The following TDRD3 variants were observed in gnomAD, a reference collection of about 807,000 sequenced individuals.
The protein encoded by TDRD3 is tudor domain-containing protein 3.
In TDRD3, 45 loss-of-function variants were observed where a neutral mutation model predicts 86.7. That is an observed-to-expected ratio of 0.52 (90% CI 0.41 to 0.67). TDRD3 has a LOEUF of 0.67. Ranked by LOEUF, TDRD3 falls within the 30% of genes least tolerant of loss-of-function variation. The probability of loss-of-function intolerance (pLI) is 0.00; values close to 1 mark genes in which losing one functional copy is unlikely to be tolerated. For synonymous variants in TDRD3, 298 were observed against 301.7 expected (o/e 0.99, Z 0.13); for missense variants, 814 against 889.0 (o/e 0.92, Z 1.07).
At chr13:60,406,406 A>T (rs912310978) in intron 1 of TDRD3, among the ~76,000 whole-genome samples, 1 of 152,212 alleles carries the variant, frequency 6.6e-6, no homozygotes, top group African/African-American at 2.4e-5. Context: ...TTTTATATTG[A>T]TCATACTTTA....
At chr13:60,505,317 C>A (rs949968014) in intron 8 of TDRD3, among the ~76,000 whole-genome samples, 11 of 152,290 alleles carry the variant, frequency 7.2e-5, no homozygotes, top group Admixed American at 1.3e-4. Flanking sequence ...GTAAACAAAG[C>A]CACCAGGAAG....
intron 1 of TDRD3, among the ~76,000 whole-genome samples, chr13:60,398,199 G>T (rs1348902442): frequency 1.3e-5 from 2 of 152,186 alleles, no homozygotes; most frequent in African/African-American, 4.8e-5. Flanking sequence ...TCCCAGGCTT[G>T]CACAGGCACA....
intron 12 of TDRD3, among the ~76,000 whole-genome samples, chr13:60,555,937 A>G (rs1158461312): frequency 1.4e-5 from 2 of 140,160 alleles, no homozygotes; most frequent in Non-Finnish European, 3.0e-5. Context: ...TGCAAGCTCC[A>G]CCTCCCAGGT....
chr13:60,532,755 C>G (rs1383431806), intron 11 of TDRD3, among the ~76,000 whole-genome samples: 4 of 152,052 alleles, frequency 2.6e-5, no homozygotes, highest in African/African-American at 9.7e-5. Context: ...TTTTCGTCAA[C>G]TGAAATATTA....
intron 2 of TDRD3, among the ~76,000 whole-genome samples, chr13:60,444,363 TA>T (rs1037900371): frequency 2.6e-5 from 4 of 151,974 alleles, no homozygotes; most frequent in African/African-American, 4.8e-5. Context: ...TGGAATGTGA[TA>T]TTTTTTAGTA....
intron 12 of TDRD3, among the ~76,000 whole-genome samples, chr13:60,551,620 T>C (rs1304455640): frequency 6.6e-6 from 1 of 152,224 alleles, no homozygotes; most frequent in Non-Finnish European, 1.5e-5. Flanking sequence ...CTTTTCCTTT[T>C]ATTTTTTCTG....
At chr13:60,491,197 A>C (rs1019065634) in intron 7 of TDRD3, among the ~76,000 whole-genome samples, 8 of 152,024 alleles carry the variant, frequency 5.3e-5, no homozygotes, top group African/African-American at 1.9e-4. Context: ...CTTGCCTTGA[A>C]ATGAAGAAGT....
chr13:60,482,093 C>T (rs1221518021), intron 5 of TDRD3, among the ~76,000 whole-genome samples: 1 of 152,116 alleles, frequency 6.6e-6, no homozygotes, highest in Non-Finnish European at 1.5e-5. Flanking sequence ...GGGAATTGTT[C>T]AGCTTACAAC....
chr13:60,506,696 G>T (rs1324051241), intron 8 of TDRD3, among the ~76,000 whole-genome samples: 1 of 152,152 alleles, frequency 6.6e-6, no homozygotes, highest in African/African-American at 2.4e-5. Context: ...GGCGGAGTTT[G>T]CAGTGAGCTG....
chr13:60,503,211 C>T (rs1373916806), intron 8 of TDRD3, among the ~76,000 whole-genome samples: 1 of 152,128 alleles, frequency 6.6e-6, no homozygotes, highest in Non-Finnish European at 1.5e-5. Flanking sequence ...AGTCCTGTAC[C>T]TTTTTCTCTA....
chr13:60,561,429 T>C (rs1468105412), intron 12 of TDRD3, among the ~76,000 whole-genome samples: 1 of 152,150 alleles, frequency 6.6e-6, no homozygotes, highest in Non-Finnish European at 1.5e-5. Context: ...TTTTAATTTC[T>C]GTGGCTTGAG....
At chr13:60,476,758 T>G (rs541977469) in intron 5 of TDRD3, among the ~76,000 whole-genome samples, 2 of 152,336 alleles carry the variant, frequency 1.3e-5, no homozygotes, top group Admixed American at 1.3e-4. Context: ...TAATTCTCAT[T>G]GTAGAGATCT....
At chr13:60,445,901 T>G (rs1030477546) in intron 3 of TDRD3, among the ~76,000 whole-genome samples, 1 of 152,196 alleles carries the variant, frequency 6.6e-6, no homozygotes, top group Non-Finnish European at 1.5e-5. Context: ...TACAAGCTCA[T>G]AGAATAGTAG....
chr13:60,511,252 A>G (rs994943021), intron 10 of TDRD3, among the ~76,000 whole-genome samples: 1 of 152,204 alleles, frequency 6.6e-6, no homozygotes, highest in African/African-American at 2.4e-5. Context: ...AGCACATAAT[A>G]TAGTAAATAT....
rs886142475 is a variant in TDRD3 at position 60,529,108 on chromosome 13, C to G, written c.1883C>G (p.Ser628Cys). 4 of 1,613,882 alleles carry G rather than the reference C, an allele frequency of 2.5e-6. No homozygotes were observed. Among genetic ancestry groups the G allele is most frequent in the Non-Finnish European group, 2.5e-6 (3 of 1,179,934 alleles). Residue 628 changes from serine (S) to cysteine (C), a missense_variant, in exon 11 of 14, where the codon TCT (serine) becomes TGT (cysteine). By Grantham distance (112) the Ser-to-Cys change is moderately radical. Coordinates refer to ENST00000377881, the MANE Select transcript of TDRD3 (RefSeq NM_001146070.2). Reference sequence around the variant, plus strand: ...TACAATAGTGGGCCCAAACGAAGATCTGGGCCAATTAAGCCAGAAAAAATA... The same window carrying G: ...TACAATAGTGGGCCCAAACGAAGATGTGGGCCAATTAAGCCAGAAAAAATA... ...IFYNSGPKRR[S>C]GPIKPEKILE...
At chr13:60,434,415 CTG>C (rs1319459641) in intron 1 of TDRD3, among the ~76,000 whole-genome samples, 4 of 150,034 alleles carry the variant, frequency 2.7e-5, no homozygotes. Context: ...CTCTAGTGAG[CTG>C]TGTTTGTGCC....
chr13:60,429,333 C>T (rs1197227837), intron 1 of TDRD3, among the ~76,000 whole-genome samples: 1 of 151,942 alleles, frequency 6.6e-6, no homozygotes, highest in Non-Finnish European at 1.5e-5. Flanking sequence ...GTCTTAACTG[C>T]CTATGATAAT....
intron 13 of TDRD3, among the ~76,000 whole-genome samples, chr13:60,572,323 A>G (rs1566317038): frequency 6.6e-6 from 1 of 152,230 alleles, no homozygotes; most frequent in Non-Finnish European, 1.5e-5. Flanking sequence ...ATGGCTTCAA[A>G]TACATAAGAG....
In TDRD3 at chr13:60,444,766, C is replaced by CTT. The variant is rs779983859; in HGVS notation, c.192+19_192+20dup. ...TAGAAAAGGTAAAGAAAATCAATAACTTCTTACATTAATTAATTTAGTTAC... is the reference window on the plus strand; with the variant it reads ...TAGAAAAGGTAAAGAAAATCAATAACTTTTCTTACATTAATTAATTTAGTTAC... On this transcript the variant is annotated intron_variant, in intron 3 of 13. Transcript: ENST00000377881. The CTT allele has an allele frequency of 2.2e-6, 3 of 1,341,396 alleles. No individual in the cohort carries two copies. The highest frequency in any genetic ancestry group is 3.0e-6 in the Non-Finnish European group (3 of 993,086). 83.1% of individuals were successfully genotyped at this position (1,341,396 alleles called of 1,614,324 possible).
Sources: gnomAD v4.1 joint callset for allele counts (sites outside exome capture counted in the v4.1 genomes callset) on GRCh38, gnomAD v4.1.1 for gene constraint, MANE v1.5 for transcripts, NCBI Gene and HGNC (gene_info 2026-07-23, HGNC 2026-07-21) for gene names.